The following MAP3K3 variants were observed in gnomAD, a reference collection of about 807,000 sequenced individuals.
The protein encoded by MAP3K3 is MAP/ERK kinase kinase 3.
A neutral mutation model predicts 80.9 loss-of-function variants in MAP3K3; 12 were observed. That is an observed-to-expected ratio of 0.15 (90% CI 0.10 to 0.24). The LOEUF (loss-of-function observed/expected upper bound fraction) is 0.24, where lower values mean the gene tolerates loss of function less well. Ranked by LOEUF, MAP3K3 falls within the 10% of genes least tolerant of loss-of-function variation. The pLI is 1.00. For missense variants in MAP3K3, 596 were observed against 834.7 expected, an observed-to-expected ratio of 0.71 and a Z score of 3.52; for synonymous variants, 272 against 307.1, an observed-to-expected ratio of 0.89 and a Z score of 1.19.
chr17:63,677,397 T>C (rs2035240737), intron 6 of MAP3K3, among the ~76,000 whole-genome samples: 1 of 152,248 alleles, frequency 6.6e-6, no homozygotes, highest in African/African-American at 2.4e-5. Flanking sequence ...AAGCAGGCAG[T>C]AGGCTAATTT....
At chr17:63,644,895 ATT>A (rs2034511941) in intron 2 of MAP3K3, among the ~76,000 whole-genome samples, 1 of 151,876 alleles carries the variant, frequency 6.6e-6, no homozygotes, top group South Asian at 2.1e-4. Flanking sequence ...CTTTATCTCT[ATT>A]ATTTGCTGGT....
intron 3 of MAP3K3, among the ~76,000 whole-genome samples, chr17:63,650,743 G>A (rs1302750491): frequency 6.7e-6 from 1 of 150,010 alleles, no homozygotes; most frequent in Non-Finnish European, 1.5e-5. Flanking sequence ...CTAGGCTGGA[G>A]TATAGTGGCA....
chr17:63,624,207 C>G (rs892505618), intron 1 of MAP3K3, among the ~76,000 whole-genome samples: 11 of 152,094 alleles, frequency 7.2e-5, no homozygotes, highest in Admixed American at 7.2e-4. Context: ...AGATGAGACA[C>G]AGAATTCTTG....
intron 4 of MAP3K3, among the ~76,000 whole-genome samples, chr17:63,652,970 A>T (rs1248982144): frequency 6.6e-6 from 1 of 151,892 alleles, no homozygotes; most frequent in East Asian, 1.9e-4. Flanking sequence ...GGAGTATCTT[A>T]TTTTTTTCCC....
chr17:63,626,028 G>A (rs116867714), intron 1 of MAP3K3, among the ~76,000 whole-genome samples: 3,550 of 152,224 alleles, frequency 0.023, 56 homozygotes, highest in Admixed American at 0.034. Flanking sequence ...AACCATGATC[G>A]TGTCACTGCA....
chr17:63,691,996 G>A lies in MAP3K3; in HGVS notation c.1474+134G>A. On this transcript the variant is annotated intron_variant, in intron 14 of 15. Transcript: ENST00000361733. This position sits in a 1 kb window ranked among gnomAD's most constrained non-coding sequence, Gnocchi z 4.8. Reference sequence around the variant, plus strand: ...ACCCCAGTTGTTTCCCTGAGGAACTGGTGAGATTGGTTGAGCAATATGAGA... The same window carrying A: ...ACCCCAGTTGTTTCCCTGAGGAACTAGTGAGATTGGTTGAGCAATATGAGA... The A allele has an allele frequency of 9.3e-7, 1 of 1,071,994 alleles. No homozygotes were observed. Among genetic ancestry groups the A allele is most frequent in the Non-Finnish European group, 1.4e-6 (1 of 737,276 alleles). The allele number at this position is 1,071,994 out of a possible 1,614,324, so 66.4% of individuals were successfully genotyped here. A position where few individuals can be genotyped will look rare whatever the true frequency, so the allele number is the denominator to read the frequency against.
intron 6 of MAP3K3, among the ~76,000 whole-genome samples, chr17:63,673,921 T>C (rs2035162648): frequency 6.6e-6 from 1 of 151,828 alleles, no homozygotes; most frequent in Non-Finnish European, 1.5e-5. Flanking sequence ...AAATAAAAAA[T>C]AAATAAAAAT....
chr17:63,625,798 A>G (rs1397771722), intron 1 of MAP3K3, among the ~76,000 whole-genome samples: 2 of 152,236 alleles, frequency 1.3e-5, no homozygotes, highest in Non-Finnish European at 2.9e-5. Context: ...TAGGTTGGGC[A>G]TGGTGGCTTA....
intron 3 of MAP3K3, among the ~76,000 whole-genome samples, chr17:63,652,197 A>G (rs1380732068): frequency 6.6e-6 from 1 of 151,936 alleles, no homozygotes; most frequent in Non-Finnish European, 1.5e-5. Context: ...CCAAGTCCCA[A>G]CAGCCCCAGT....
At chr17:63,678,207 A>G (rs1345164519) in intron 6 of MAP3K3, among the ~76,000 whole-genome samples, 4 of 152,078 alleles carry the variant, frequency 2.6e-5, no homozygotes, top group African/African-American at 9.7e-5. Flanking sequence ...CCACCACTGC[A>G]GGGGTGTAGT....
At chr17:63,663,168 CA>C (rs2034931060) in intron 5 of MAP3K3, among the ~76,000 whole-genome samples, 1 of 152,072 alleles carries the variant, frequency 6.6e-6, no homozygotes, top group South Asian at 2.1e-4. Flanking sequence ...ACAAAATTTT[CA>C]AGGAGTTGGA....
intron 1 of MAP3K3, among the ~76,000 whole-genome samples, chr17:63,632,383 T>A (rs1464791501): frequency 1.3e-5 from 2 of 152,084 alleles, no homozygotes; most frequent in East Asian, 3.9e-4. Flanking sequence ...TCCCAGCTAC[T>A]CAGGAGGCTG....
chr17:63,640,969 G>A (rs1297133637), intron 2 of MAP3K3, among the ~76,000 whole-genome samples: 1 of 152,134 alleles, frequency 6.6e-6, no homozygotes, highest in Non-Finnish European at 1.5e-5. Flanking sequence ...TGCCTGGGGA[G>A]GCATCACATG....
At chr17:63,649,235 C>T (rs1262374838) in intron 3 of MAP3K3, among the ~76,000 whole-genome samples, 1 of 151,854 alleles carries the variant, frequency 6.6e-6, no homozygotes, top group Non-Finnish European at 1.5e-5. Context: ...TCAGGAGTTC[C>T]AGACCAGCCT....
At position 63,622,496 on chromosome 17, in the gene MAP3K3, G is replaced by T. The variant is rs934302897; in HGVS notation, c.-264G>T. 8.1e-4 allele frequency: 124 copies of T among 152,670 alleles called. 1 individual carries two copies. Among genetic ancestry groups the T allele is most frequent in the Non-Finnish European group, 3.8e-4 (26 of 68,572 alleles). 9.5% of individuals were successfully genotyped at this position (152,670 alleles called of 1,614,324 possible). The stretch of plus-strand genomic sequence containing the variant: ...GTCTGAGGGACTGGCGGGCGGGCGG[G>T]CCGAGCGGCGCCGCCGAGGCCGGGC... On this transcript the variant is annotated 5_prime_UTR_variant, in exon 1 of 16. Coordinates refer to ENST00000361733, the MANE Select transcript of MAP3K3 (RefSeq NM_002401.5).
intron 1 of MAP3K3, among the ~76,000 whole-genome samples, chr17:63,625,842 C>CTGGTAGATCGCT (rs2034089186): frequency 1.3e-5 from 2 of 152,184 alleles, no homozygotes; most frequent in Admixed American, 6.5e-5. Flanking sequence ...GAAGCTGAGA[C>CTGGTAGATCGCT]TGGTAGATCG....
chr17:63,644,949 T>C (rs1424493685), intron 2 of MAP3K3, among the ~76,000 whole-genome samples: 1 of 152,222 alleles, frequency 6.6e-6, no homozygotes, highest in Non-Finnish European at 1.5e-5. Flanking sequence ...CACCTGTTCT[T>C]CTGTAATATC....
chr17:63,681,131 G>A (rs1004911650), intron 6 of MAP3K3, among the ~76,000 whole-genome samples: 26 of 147,890 alleles, frequency 1.8e-4, no homozygotes, highest in African/African-American at 6.1e-4. Context: ...AAAAAAAAAA[G>A]GTAATATCAT....
rs143128911 is a variant in MAP3K3 at position 63,665,928 on chromosome 17, G to A, written c.382-1012G>A. On this transcript the variant is annotated intron_variant, in intron 5 of 15. Transcript: ENST00000361733. ...GTTTAGATCGGACTTTTTTTGTTAG[G>A]GGGAGGTAGAGGAGATAGAGGAGCA... Among the ~76,000 whole-genome samples the A allele has an allele frequency of 1.9e-4, 29 of 152,096 alleles. 1 individual carries two copies. The highest frequency in any genetic ancestry group is 1.7e-3 in the Admixed American group (26 of 15,278).
Sources: gnomAD v4.1 joint callset for allele counts (sites outside exome capture counted in the v4.1 genomes callset) on GRCh38, gnomAD v4.1.1 for gene constraint, Gnocchi (gnomAD v3.1) non-coding constraint, MANE v1.5 for transcripts, NCBI Gene and HGNC (gene_info 2026-07-23, HGNC 2026-07-21) for gene names.